Variants in UBR4 observed in about 807,000 individuals in gnomAD.
The protein encoded by UBR4 is E3 ubiquitin-protein ligase UBR4.
UBR4 carries 124 observed loss-of-function variants against 575.6 expected under a neutral mutation model. The observed-to-expected ratio is 0.22, with a 90% CI of 0.19 to 0.25. The LOEUF (loss-of-function observed/expected upper bound fraction) is 0.25, where lower values mean the gene tolerates loss of function less well. Among genes scored for constraint, UBR4 ranks in the 10% least tolerant of loss-of-function variants. The pLI is 1.00. For missense variants in UBR4, 4,818 were observed against 6,478.8 expected, an observed-to-expected ratio of 0.74 and a Z score of 8.80; for synonymous variants, 2,455 against 2,473.7, an observed-to-expected ratio of 0.99 and a Z score of 0.22.
intron 93 of UBR4, 132 bp downstream of exon 93, chr1:19,095,413 C>T (rs2148926531): frequency 2.3e-6 from 2 of 878,848 alleles, no homozygotes; most frequent in Non-Finnish European, 3.6e-6. Context: ...CAAGCCTCTG[C>T]ACCAGTCAGC....
In UBR4 at chr1:19,187,273, G is replaced by C. The variant is rs2091638358; in HGVS notation, c.1523C>G (p.Ala508Gly). ...GGTGCTCTGGGCCATAATGCTCAAGGCTGCAGGGGGGCCATCTGTCTCCCA... is the reference window on the plus strand; with the variant it reads ...GGTGCTCTGGGCCATAATGCTCAAGCCTGCAGGGGGGCCATCTGTCTCCCA... ...KGWETDGPPA[A>G]LSIMAQSTSI... The change falls in exon 13 of 106, where the codon GCC becomes GGC. Residue 508 changes from alanine (A) to glycine (G), a missense_variant. Around this residue, in one of 29 missense-constraint regions of UBR4, gnomAD observed 162 missense variants for 216.4 expected, o/e 0.75. Transcript: ENST00000375254. The C allele has an allele frequency of 6.2e-7, 1 of 1,613,712 alleles. No individual in the cohort carries two copies. Among genetic ancestry groups the C allele is most frequent in the Non-Finnish European group, 8.5e-7 (1 of 1,179,878 alleles).
At chr1:19,170,433 G>A (rs1006749592) in intron 26 of UBR4, among the ~76,000 whole-genome samples, 2 of 152,142 alleles carry the variant, frequency 1.3e-5, no homozygotes, top group Non-Finnish European at 2.9e-5. Flanking sequence ...GGGAGGGGAG[G>A]AGAGCAAAGA....
At chr1:19,103,690 T>A (rs2078893794) in intron 87 of UBR4, among the ~76,000 whole-genome samples, 1 of 152,088 alleles carries the variant, frequency 6.6e-6, no homozygotes, top group East Asian at 1.9e-4. Context: ...GCAGCATAAA[T>A]ACACAATGAG....
In UBR4 at chr1:19,093,196, G is replaced by A. The variant is rs2077696308; in HGVS notation, c.14111+117C>T. The A allele has an allele frequency of 1.5e-5, 20 of 1,326,302 alleles. No homozygotes were observed. The highest frequency in any genetic ancestry group is 4.3e-5 in the Admixed American group (2 of 46,330). 82.2% of individuals were successfully genotyped at this position (1,326,302 alleles called of 1,614,324 possible). ...CCACATAGTTTCCAGAAGCGGTTGG[G>A]AGGCCCCAAGGAGGGCAAGGGGCAC... On this transcript the variant is annotated intron_variant, in intron 96 of 105. Transcript: ENST00000375254. The surrounding 1 kb of genome is among the most constrained non-coding windows in gnomAD (Gnocchi z 4.8).
chr1:19,151,128 T>C lies in UBR4; in HGVS notation c.7214-335A>G, dbSNP rs1171435740. ...CTTTCTTTGTTCAAAGTACAGATCA[T>C]GATCATTCACACTAACAGCAACTAT... On this transcript the variant is annotated intron_variant, in intron 48 of 105. Transcript: ENST00000375254. 26 of 380,876 alleles carry C rather than the reference T, an allele frequency of 6.8e-5. No individual in the cohort carries two copies. In the Admixed American group the frequency reaches 1.1e-3, roughly 16 times the overall value. The allele number at this position is 380,876 out of a possible 1,614,324, so 23.6% of individuals were successfully genotyped here. A position where few individuals can be genotyped will look rare whatever the true frequency, so the allele number is the denominator to read the frequency against.
intron 39 of UBR4, 21 bp from the exon 40 acceptor site, chr1:19,158,018 G>C (rs2086682021): frequency 6.2e-7 from 1 of 1,601,230 alleles, no homozygotes; most frequent in Non-Finnish European, 8.6e-7. Flanking sequence ...AGGAAGCAGA[G>C]AAAGTGGGCA....
In UBR4 at chr1:19,198,682, T is replaced by C. The variant is rs1028540511; in HGVS notation, c.509-2A>G. The C allele has an allele frequency of 1.2e-6, 2 of 1,613,652 alleles. No individual in the cohort carries two copies. The highest frequency in any genetic ancestry group is 2.7e-5 in the African/African-American group (2 of 74,844). On this transcript the variant is annotated splice_acceptor_variant, in intron 4 of 105. Transcript: ENST00000375254. LOFTEE classifies it high-confidence loss of function. The stretch of plus-strand genomic sequence containing the variant: ...AGGCCAGCTCTTTCTGATCTTCCAC[T>C]GTAAAATACAAAGGCAAAAAAAAGG...
At chr1:19,108,078 A>C (rs950073785) in intron 81 of UBR4, among the ~76,000 whole-genome samples, 2 of 152,210 alleles carry the variant, frequency 1.3e-5, no homozygotes, top group African/African-American at 4.8e-5. Flanking sequence ...GGAAAAGGAA[A>C]GAATATTTTA....
intron 48 of UBR4, chr1:19,151,070 C>T (rs2085624157): frequency 4.0e-6 from 2 of 494,396 alleles, no homozygotes; most frequent in Non-Finnish European, 7.3e-6. Flanking sequence ...AGTATTGTAT[C>T]CCCTACCCCT....
chr1:19,115,209 A>ACACACACT (rs2080375052), intron 74 of UBR4, among the ~76,000 whole-genome samples, 189 bp downstream of exon 74: 1 of 147,702 alleles, frequency 6.8e-6, no homozygotes, highest in Non-Finnish European at 1.5e-5. Context: ...GCACACACAC[A>ACACACACT]CACACACACA....
chr1:19,187,560 AAC>A lies in UBR4; in HGVS notation c.1395-22_1395-21del. Reference sequence around the variant, plus strand: ...TGATGCCTACACAAAGAAAAAGGAAAACACAATCCTTAAAATAATTAACAATA... The same window carrying A: ...TGATGCCTACACAAAGAAAAAGGAAAACAATCCTTAAAATAATTAACAATA... On this transcript the variant is annotated intron_variant, in intron 11 of 105. Coordinates refer to ENST00000375254, the MANE Select transcript of UBR4 (RefSeq NM_020765.3). 6.2e-7 allele frequency: 1 copy of A among 1,604,968 alleles called. No individual in the cohort carries two copies. Among genetic ancestry groups the A allele is most frequent in the Non-Finnish European group, 8.5e-7 (1 of 1,173,292 alleles).
intron 66 of UBR4, 109 bp downstream of exon 66, chr1:19,122,724 T>C (rs908777977): frequency 9.7e-6 from 12 of 1,232,416 alleles, no homozygotes; most frequent in Admixed American, 7.4e-5. Context: ...AACCATGCCA[T>C]TGTCAACACA....
intron 34 of UBR4, among the ~76,000 whole-genome samples, chr1:19,163,517 T>C (rs769772408): frequency 1.3e-5 from 2 of 152,236 alleles, no homozygotes; most frequent in Non-Finnish European, 2.9e-5. Context: ...AGGAACTCTA[T>C]GTTTTAAGAA....
chr1:19,130,850 CAG>C (rs1331299136), intron 60 of UBR4, among the ~76,000 whole-genome samples: 2 of 152,124 alleles, frequency 1.3e-5, no homozygotes, highest in African/African-American at 4.8e-5. Flanking sequence ...ACAAAATGAG[CAG>C]AGTCTAGACT....
rs1403804726 is a variant in UBR4, at chr1:19,131,269, A to AAAAAAAAAAAAAAAAAAAAAAAAAAAAAG, written c.8907-2196_8907-2195insCTTTTTTTTTTTTTTTTTTTTTTTTTTTT. 3.1e-5 allele frequency among the ~76,000 whole-genome samples: 4 copies of AAAAAAAAAAAAAAAAAAAAAAAAAAAAAG among 127,646 alleles called. 1 individual carries two copies. Among genetic ancestry groups the AAAAAAAAAAAAAAAAAAAAAAAAAAAAAG allele is most frequent in the Non-Finnish European group, 3.3e-5 (2 of 61,028 alleles). The allele number at this position is 127,646 out of a possible 152,430, so 83.7% of individuals were successfully genotyped here. A position where few individuals can be genotyped will look rare whatever the true frequency, so the allele number is the denominator to read the frequency against. The stretch of plus-strand genomic sequence containing the variant: ...AAAAAAAAAAAAAAAAAAAAAAAAA[A>AAAAAAAAAAAAAAAAAAAAAAAAAAAAAG]TAAACACAGCACCAAAAACTGCAGT... On this transcript the variant is annotated intron_variant, in intron 60 of 105. Coordinates refer to ENST00000375254, the MANE Select transcript of UBR4 (RefSeq NM_020765.3).
chr1:19,160,068 T>C (rs1435479414), intron 39 of UBR4, 43 bp downstream of exon 39: 1 of 1,589,302 alleles, frequency 6.3e-7, no homozygotes, highest in Non-Finnish European at 8.6e-7. Flanking sequence ...ATAAATTTGT[T>C]GGTTCCCACA....
rs777583334 is a variant in UBR4, at chr1:19,137,980, C to G, written c.8906+27G>C. On this transcript the variant is annotated intron_variant, in intron 60 of 105. Transcript: ENST00000375254. ...GAAATAGTCTCAGATAGGCAAGCCT[C>G]TTAACTGTGAAGGACTAGGTCTTGA... The G allele has an allele frequency of 5.5e-6, 8 of 1,465,956 alleles. No individual in the cohort carries two copies. The Admixed American group carries it at 1.8e-4, about 33-fold the overall frequency. The allele number at this position is 1,465,956 out of a possible 1,614,324, so 90.8% of individuals were successfully genotyped here.
chr1:19,177,330 TCCTACCCATCAA>T (rs2090374481), intron 19 of UBR4, 119 bp downstream of exon 19: 2 of 1,102,138 alleles, frequency 1.8e-6, no homozygotes, highest in African/African-American at 3.1e-5. Context: ...GTCCTCCTAA[TCCTACCCATCAA>T]CCTACCAAAA....
At chr1:19,120,144 C>T in intron 69 of UBR4, 36 bp downstream of exon 69, 1 of 1,608,594 alleles carries the variant, frequency 6.2e-7, no homozygotes, top group Admixed American at 1.7e-5. Context: ...TGGCCTCACA[C>T]CCTTGCAGAT....
Sources: allele counts gnomAD v4.1 joint callset (sites outside exome capture counted in the v4.1 genomes callset), GRCh38; gene constraint gnomAD v4.1.1; regional missense constraint gnomAD v4.1.1; non-coding constraint Gnocchi (gnomAD v3.1); transcripts MANE v1.5; gene names NCBI Gene and HGNC (gene_info 2026-07-23, HGNC 2026-07-21).